IFI44L: variants seen among roughly 807,000 people sequenced by gnomAD.
IFI44L encodes interferon-induced protein 44-like.
Under a neutral mutation model 39.3 loss-of-function variants are expected in IFI44L, and 40 were observed. The observed-to-expected ratio is 1.02, with a 90% confidence interval of 0.79 to 1.33. The LOEUF (loss-of-function observed/expected upper bound fraction) is 1.33, where lower values mean the gene tolerates loss of function less well. IFI44L is among the 40% of genes most tolerant of loss of function. The pLI is 0.00. For missense variants in IFI44L, 623 were observed against 549.0 expected, an observed-to-expected ratio of 1.13 and a Z score of -1.35; for synonymous variants, 198 against 182.3, an observed-to-expected ratio of 1.09 and a Z score of -0.69.
chr1:78,633,186 G>A (rs1482594522), intron 4 of IFI44L, among the ~76,000 whole-genome samples: 2 of 152,212 alleles, frequency 1.3e-5, no homozygotes, highest in East Asian at 3.8e-4. Context: ...AGTGTGGAGA[G>A]AACTGTCATC....
chr1:78,626,971 A>G (rs1652513333), intron 1 of IFI44L: 1 of 152,058 alleles, frequency 6.6e-6, no homozygotes, highest in African/African-American at 2.4e-5. Flanking sequence ...TTAGAATCCC[A>G]AACTGTAGCC....
intron 6 of IFI44L, among the ~76,000 whole-genome samples, chr1:78,637,904 A>G (rs920784759): frequency 6.6e-6 from 1 of 152,136 alleles, no homozygotes; most frequent in Admixed American, 6.6e-5. Flanking sequence ...CAAAACTCCT[A>G]TCAAGTTTTG....
chr1:78,641,944 C>G lies in IFI44L; in HGVS notation c.*135C>G, dbSNP rs2100400794. The G allele has an allele frequency of 9.8e-7, 1 of 1,022,510 alleles. No individual in the cohort carries two copies. The highest frequency in any genetic ancestry group is 1.5e-6 in the Non-Finnish European group (1 of 647,662). 63.3% of individuals were successfully genotyped at this position (1,022,510 alleles called of 1,614,324 possible). On this transcript the variant is annotated 3_prime_UTR_variant, in exon 9 of 9. Coordinates refer to ENST00000370751, the MANE Select transcript of IFI44L (RefSeq NM_006820.4). ...TTCTGTCCTTGGAACAGTCATATCTCAAGTTCAAAGGCCAAAACCTGAGAA... is the reference window on the plus strand; with the variant it reads ...TTCTGTCCTTGGAACAGTCATATCTGAAGTTCAAAGGCCAAAACCTGAGAA...
chr1:78,623,389 GTTTTTTGTTT>G (rs1652351022), intron 1 of IFI44L, among the ~76,000 whole-genome samples: 1 of 19,926 alleles, frequency 5.0e-5, no homozygotes, highest in East Asian at 4.6e-3. Flanking sequence ...TGGTTTAAGT[GTTTTTTGTTT>G]TTTTTTTTTT....
intron 4 of IFI44L, 150 bp downstream of exon 4, chr1:78,630,065 C>T (rs1387354714): frequency 1.3e-6 from 1 of 741,266 alleles, no homozygotes; most frequent in African/African-American, 1.8e-5. Context: ...GAACCACCTC[C>T]ATTGTGCTAT....
Position 78,641,449 on chromosome 1 carries a change from T to TA in IFI44L, c.1168dup (p.Met390AsnfsTer42). 6.2e-7 allele frequency: 1 copy of TA among 1,613,496 alleles called. No homozygotes were observed. The highest frequency in any genetic ancestry group is 1.1e-5 in the South Asian group (1 of 91,070). On this transcript the variant is annotated frameshift_variant, in exon 8 of 9. Transcript: ENST00000370751. LOFTEE classifies it high-confidence loss of function. ...ACTTTCCACAGGTCATGAATGTCCA[T>TA]AAAATGCTAGGCATTCCTATTTCCA...
rs567614104 is a variant in IFI44L at position 78,628,402 on chromosome 1, A to C, written c.478+9A>C. ...AGTTTTTCGAGTTGAAGGTTTGTAA[A>C]ATTAGATAATCCTACATCTCACATT... On this transcript the variant is annotated intron_variant, in intron 2 of 8. Transcript: ENST00000370751. 6.8e-5 allele frequency: 95 copies of C among 1,393,882 alleles called. No homozygotes were observed. In the South Asian group the frequency reaches 1.2e-3, roughly 17 times the overall value. The allele number at this position is 1,393,882 out of a possible 1,614,324, so 86.3% of individuals were successfully genotyped here. A position where few individuals can be genotyped will look rare whatever the true frequency, so the allele number is the denominator to read the frequency against.
intron 4 of IFI44L, chr1:78,630,255 C>CT (rs1557685294): frequency 5.6e-6 from 1 of 177,178 alleles, no homozygotes; most frequent in Non-Finnish European, 1.2e-5. Context: ...AAATGTTTTT[C>CT]TTTTTTTGTA....
chr1:78,626,603 A>G (rs139139056), intron 1 of IFI44L: 190 of 152,192 alleles, frequency 1.2e-3, no homozygotes, highest in African/African-American at 4.5e-3. Context: ...TCAATCAAGG[A>G]CTGAGAATAC....
chr1:78,626,038 C>G (rs955755621), intron 1 of IFI44L: 1 of 151,650 alleles, frequency 6.6e-6, no homozygotes, highest in Non-Finnish European at 1.5e-5. Context: ...TAGAATATCT[C>G]TTCTATATTC....
chr1:78,638,528 G>C (rs1328348479), intron 6 of IFI44L, among the ~76,000 whole-genome samples: 1 of 151,916 alleles, frequency 6.6e-6, no homozygotes, highest in Non-Finnish European at 1.5e-5. Flanking sequence ...TTATTTTTCA[G>C]AGTGGGTAAT....
At chr1:78,628,475 C>G in intron 2 of IFI44L, 82 bp downstream of exon 2, 1 of 814,446 alleles carries the variant, frequency 1.2e-6, no homozygotes, top group Non-Finnish European at 2.0e-6. Flanking sequence ...TCTACAAGAG[C>G]AAGGAAAGTG....
At position 78,642,158 on chromosome 1, in the gene IFI44L, T is replaced by G. The variant is rs973080320; in HGVS notation, c.*349T>G. The G allele has an allele frequency of 3.9e-5, 11 of 282,452 alleles. No individual in the cohort carries two copies. The highest frequency in any genetic ancestry group is 6.7e-5 in the Non-Finnish European group (10 of 148,872). 17.5% of individuals were successfully genotyped at this position (282,452 alleles called of 1,614,324 possible). On this transcript the variant is annotated 3_prime_UTR_variant, in exon 9 of 9. Transcript: ENST00000370751. ...ACATTGAATAATAGTTATAAAATTA[T>G]TGTATAGACATCTGCTTCTTAAACA...
intron 1 of IFI44L, 102 bp from the exon 2 acceptor site, chr1:78,627,804 T>G: frequency 1.8e-6 from 1 of 546,644 alleles, no homozygotes; most frequent in Non-Finnish European, 2.8e-6. Flanking sequence ...GTGTTTTAAT[T>G]GAGTCAGTGA....
At chr1:78,622,789 G>A (rs1004715822) in intron 1 of IFI44L, among the ~76,000 whole-genome samples, 1 of 152,180 alleles carries the variant, frequency 6.6e-6, no homozygotes, top group Non-Finnish European at 1.5e-5. Context: ...TCATTAGCTA[G>A]CAAGAAATGG....
chr1:78,636,900 C>T, intron 5 of IFI44L, 132 bp from the exon 6 acceptor site: 1 of 640,102 alleles, frequency 1.6e-6, no homozygotes, highest in Non-Finnish European at 2.7e-6. Context: ...GGAGGTGCTA[C>T]TGTTTGGGGA....
chr1:78,635,051 C>T (rs1165612436), intron 4 of IFI44L, among the ~76,000 whole-genome samples: 5 of 147,684 alleles, frequency 3.4e-5, no homozygotes, highest in Non-Finnish European at 6.0e-5. Flanking sequence ...TATACACACA[C>T]GTTTTACATG....
At chr1:78,641,290 C>T in intron 7 of IFI44L, 145 bp from the exon 8 acceptor site, 1 of 871,422 alleles carries the variant, frequency 1.1e-6, no homozygotes, top group Non-Finnish European at 1.8e-6. Flanking sequence ...CACTTTAAAA[C>T]TGCAATGATC....
chr1:78,639,877 A>G (rs1012564344), intron 6 of IFI44L, among the ~76,000 whole-genome samples: 5 of 152,150 alleles, frequency 3.3e-5, no homozygotes, highest in African/African-American at 1.2e-4. Context: ...TGTATAGAGC[A>G]TGGTCTTGCT....
Sources: allele counts gnomAD v4.1 joint callset (sites outside exome capture counted in the v4.1 genomes callset), GRCh38; gene constraint gnomAD v4.1.1; transcripts MANE v1.5; gene names NCBI Gene and HGNC (gene_info 2026-07-23, HGNC 2026-07-21).